LMO7: variants seen among roughly 807,000 people sequenced by gnomAD.
LMO7 encodes the protein LIM domain only protein 7.
Under a neutral mutation model 206.5 loss-of-function variants are expected in LMO7, and 120 were observed. The ratio of observed to expected loss-of-function variants is 0.58; its 90% CI spans 0.50 to 0.68. LMO7 has a LOEUF of 0.68. Among genes scored for constraint, LMO7 ranks in the 30% least tolerant of loss-of-function variants. LMO7 has a pLI of 0.00. For missense variants in LMO7, 1,959 were observed against 1,957.9 expected (o/e 1.00, Z -0.01); for synonymous variants, 706 against 681.5 (o/e 1.04, Z -0.56).
At chr13:75,835,677 C>A (rs1263718154) in intron 18 of LMO7, among the ~76,000 whole-genome samples, 1 of 152,092 alleles carries the variant, frequency 6.6e-6, no homozygotes, top group African/African-American at 2.4e-5. Flanking sequence ...TAAACTATAA[C>A]TTCTTTATGC....
chr13:75,767,930 C>T lies in LMO7; in HGVS notation c.317+6892C>T, dbSNP rs1180510104. Among the ~76,000 whole-genome samples, 4 of 152,010 alleles carry T rather than the reference C, an allele frequency of 2.6e-5. No individual in the cohort carries two copies. In the East Asian group the frequency reaches 7.7e-4, roughly 29 times the overall value. ...GGCAAATAATTATTTATTGCTTGCT[C>T]TGTGTCAAACTGTGTGCTAAACCCT... is the stretch of plus-strand genomic sequence containing the variant. On this transcript the variant is annotated intron_variant, in intron 4 of 30. Coordinates refer to ENST00000377534, the MANE Select transcript of LMO7 (RefSeq NM_001306080.2).
At chr13:75,838,451 TGTAA>T in intron 20 of LMO7, 2 of 560,672 alleles carry the variant, frequency 3.6e-6, no homozygotes, top group Non-Finnish European at 5.1e-6. Flanking sequence ...TTTTTAACTT[TGTAA>T]AAAAAAAAAA....
chr13:75,760,059 CTT>C (rs766977594), intron 3 of LMO7, among the ~76,000 whole-genome samples: 7 of 139,656 alleles, frequency 5.0e-5, no homozygotes, highest in Admixed American at 7.1e-5. Context: ...TTTTCTTCTT[CTT>C]TTTTTTTTTT....
At chr13:75,694,044 T>A (rs972381648) in intron 1 of LMO7, among the ~76,000 whole-genome samples, 1 of 152,218 alleles carries the variant, frequency 6.6e-6, no homozygotes, top group African/African-American at 2.4e-5. Context: ...GAATACTTAC[T>A]GTCATGCATG....
Position 75,805,576 on chromosome 13 carries a change from A to T in LMO7, c.1012A>T (p.Thr338Ser). ...SCYLEEEKAK[T>S]RSIPNIVKDD... is the part of the protein sequence containing the mutation. ...TTATTTGGAAGAGGAAAAAGCAAAG[A>T]CAAGAAGCATACCCAACATTGTAAA... Residue 338 changes from threonine (T) to serine (S), a missense_variant, in exon 9 of 31, where the codon ACA (threonine) becomes TCA (serine). Physicochemically the swap from Thr to Ser is moderately conservative, Grantham distance 58. Transcript: ENST00000377534. 1 of 1,614,092 alleles carries T rather than the reference A, an allele frequency of 6.2e-7. No homozygotes were observed. Among genetic ancestry groups the T allele is most frequent in the Non-Finnish European group, 8.5e-7 (1 of 1,179,902 alleles).
chr13:75,782,085 T>C (rs897048998), intron 4 of LMO7, among the ~76,000 whole-genome samples: 1 of 152,218 alleles, frequency 6.6e-6, no homozygotes, highest in Non-Finnish European at 1.5e-5. Flanking sequence ...GTTGCCTGTT[T>C]ACTCTGATGG....
chr13:75,810,801 T>A (rs1049943848), intron 11 of LMO7, among the ~76,000 whole-genome samples: 1 of 152,228 alleles, frequency 6.6e-6, no homozygotes, highest in South Asian at 2.1e-4. Context: ...CTGGATGTGT[T>A]CCCTGTAGTG....
intron 27 of LMO7, among the ~76,000 whole-genome samples, chr13:75,849,626 A>G (rs1250749615): frequency 1.3e-5 from 2 of 152,122 alleles, no homozygotes; most frequent in Non-Finnish European, 2.9e-5. Flanking sequence ...AATAATGCAC[A>G]GTGCTCTTAG....
intron 11 of LMO7, among the ~76,000 whole-genome samples, chr13:75,813,401 C>A (rs2138049657): frequency 6.6e-6 from 1 of 152,304 alleles, no homozygotes; most frequent in South Asian, 2.1e-4. Context: ...ACAATCCCTT[C>A]CTCACTTAGC....
At chr13:75,634,238 A>G (rs529865534), upstream of LMO7, among the ~76,000 whole-genome samples, 9 of 151,890 alleles carry the variant, frequency 5.9e-5, no homozygotes, top group South Asian at 1.9e-3. Flanking sequence ...AGAGTTTGAG[A>G]CCATCCTGGA....
chr13:75,798,331 C>T (rs2054295795), intron 6 of LMO7, among the ~76,000 whole-genome samples: 1 of 152,174 alleles, frequency 6.6e-6, no homozygotes, highest in African/African-American at 2.4e-5. Flanking sequence ...GCCTGGGCAA[C>T]AAGAGCAAAA....
At chr13:75,716,498 A>G (rs2043545501) in intron 2 of LMO7, among the ~76,000 whole-genome samples, 1 of 152,050 alleles carries the variant, frequency 6.6e-6, no homozygotes, top group Admixed American at 6.5e-5. Flanking sequence ...AAAGTCTATG[A>G]TTGTAGTCTC....
intron 4 of LMO7, among the ~76,000 whole-genome samples, chr13:75,776,172 T>TATATATAG: frequency 2.1e-5 from 1 of 47,122 alleles, no homozygotes; most frequent in South Asian, 6.1e-4. Context: ...GATATATATA[T>TATATATAG]ATATATATAT....
chr13:75,726,965 G>A, intron 2 of LMO7, 64 bp from the exon 3 acceptor site: 1 of 888,428 alleles, frequency 1.1e-6, no homozygotes, highest in Admixed American at 1.8e-5. Context: ...TGATTTTTGA[G>A]AATGCTAACA....
chr13:75,749,832 CT>C (rs35260978), intron 3 of LMO7, among the ~76,000 whole-genome samples: 75 of 144,568 alleles, frequency 5.2e-4, no homozygotes, highest in South Asian at 1.1e-3. Context: ...TCACCCCCAC[CT>C]TTTTTTTTTT....
intron 1 of LMO7, among the ~76,000 whole-genome samples, chr13:75,703,507 A>G (rs1275060283): frequency 2.6e-5 from 4 of 152,158 alleles, no homozygotes; most frequent in Admixed American, 1.3e-4. Flanking sequence ...TTGTAGCTCA[A>G]TTTCCTCATG....
chr13:75,711,615 A>AC (rs912909241), intron 1 of LMO7, among the ~76,000 whole-genome samples: 4 of 151,044 alleles, frequency 2.6e-5, no homozygotes, highest in East Asian at 1.9e-4. Flanking sequence ...GGTGCGCTGC[A>AC]CCCCCCCTGT....
chr13:75,651,019 A>G (rs563881106), intron 1 of LMO7, among the ~76,000 whole-genome samples: 10 of 152,340 alleles, frequency 6.6e-5, no homozygotes, highest in Admixed American at 3.3e-4. Flanking sequence ...TTCGAAGGAT[A>G]AAATTTATAA....
rs542766146 is a variant in LMO7 at position 75,838,585 on chromosome 13, A to G, written c.3451+389A>G. Reference sequence around the variant, plus strand: ...AATTGCATAATATTAGATTACACCAACATGCAATTGGCCAAGTTTTTAAAA... The same window carrying G: ...AATTGCATAATATTAGATTACACCAGCATGCAATTGGCCAAGTTTTTAAAA... On this transcript the variant is annotated intron_variant, in intron 20 of 30. Transcript: ENST00000377534. 221 of 202,068 alleles carry G rather than the reference A, an allele frequency of 1.1e-3. 3 individuals are homozygous for G. The highest frequency in any genetic ancestry group is 4.8e-3 in the African/African-American group (203 of 42,370). 12.5% of individuals were successfully genotyped at this position (202,068 alleles called of 1,614,324 possible).
Sources: gnomAD v4.1 joint callset for allele counts (sites outside exome capture counted in the v4.1 genomes callset) on GRCh38, gnomAD v4.1.1 for gene constraint, MANE v1.5 for transcripts, NCBI Gene and HGNC (gene_info 2026-07-23, HGNC 2026-07-21) for gene names.